The following LYST variants were observed in gnomAD, a reference collection of about 807,000 sequenced individuals.
LYST encodes lysosomal-trafficking regulator.
Under a neutral mutation model 413.6 loss-of-function variants are expected in LYST, and 192 were observed. The observed-to-expected ratio is 0.46, with a 90% CI of 0.41 to 0.52. LYST has a LOEUF of 0.52. Ranked by LOEUF, LYST falls within the 20% of genes least tolerant of loss-of-function variation. The pLI, the probability that LYST is intolerant of heterozygous loss-of-function variation, is 0.00. For synonymous variants in LYST, 1,525 were observed against 1,567.3 expected (o/e 0.97, Z 0.64); for missense variants, 3,815 against 4,499.9 (o/e 0.85, Z 4.35).
intron 23 of LYST, among the ~76,000 whole-genome samples, chr1:235,758,372 G>A (rs1318116406): frequency 6.6e-6 from 1 of 152,218 alleles, no homozygotes; most frequent in Non-Finnish European, 1.5e-5. Flanking sequence ...ACTCTGTGCA[G>A]TCTGGTGACA....
At chr1:235,878,491 G>T (rs1429584648) in intron 1 of LYST, among the ~76,000 whole-genome samples, 2 of 152,014 alleles carry the variant, frequency 1.3e-5, no homozygotes, top group Non-Finnish European at 2.9e-5. Context: ...AAATAATGAC[G>T]GCCGCCCTGC....
intron 34 of LYST, among the ~76,000 whole-genome samples, chr1:235,733,100 A>G (rs187325680): frequency 1.4e-4 from 22 of 152,316 alleles, no homozygotes; most frequent in African/African-American, 5.1e-4. Context: ...TTAGTACACC[A>G]AAGTCACATG....
intron 22 of LYST, 27 bp from the exon 23 acceptor site, chr1:235,759,626 A>C: frequency 6.4e-7 from 1 of 1,573,400 alleles, no homozygotes. Flanking sequence ...CAAAAATACT[A>C]CTTAAAAATC....
intron 3 of LYST, among the ~76,000 whole-genome samples, chr1:235,813,867 G>A (rs1272137963): frequency 1.3e-5 from 2 of 152,146 alleles, no homozygotes; most frequent in Admixed American, 1.3e-4. Flanking sequence ...TTGAGTTCTC[G>A]CCTTACACCA....
rs146513322 is a variant in LYST, at chr1:235,805,805, C to T, written c.3331G>A (p.Ala1111Thr). The change falls in exon 6 of 53, where the codon GCC becomes ACC. Residue 1111 changes from alanine (A) to threonine (T), a missense_variant. Coordinates refer to ENST00000389793, the MANE Select transcript of LYST (RefSeq NM_000081.4). ...GTTCTGGCACCATGAAGACAAATGG[C>T]CAGAAGGGCTTCCAAAAGTCGTATA... ...QSIRLLEALLAICLHGARTSQ... is the reference protein window; with the variant it reads ...QSIRLLEALLTICLHGARTSQ... 1.6e-5 allele frequency: 26 copies of T among 1,613,382 alleles called. No homozygotes were observed. The highest frequency in any genetic ancestry group is 2.2e-5 in the South Asian group (2 of 91,084).
chr1:235,787,170 T>G, intron 14 of LYST, 30 bp downstream of exon 14: 2 of 1,547,312 alleles, frequency 1.3e-6, no homozygotes, highest in Non-Finnish European at 1.8e-6. Context: ...TAACTGAGAT[T>G]GAGATGCATT....
intron 38 of LYST, among the ~76,000 whole-genome samples, chr1:235,724,531 T>C (rs1465266460): frequency 6.6e-6 from 1 of 152,204 alleles, no homozygotes. Context: ...TGAACCAATA[T>C]TGCTACAATT....
intron 6 of LYST, 98 bp downstream of exon 6, chr1:235,805,645 T>C: frequency 4.8e-6 from 2 of 416,070 alleles, no homozygotes; most frequent in Admixed American, 8.1e-5. Context: ...ATATTACATA[T>C]ATTATGTAAT....
intron 22 of LYST, among the ~76,000 whole-genome samples, chr1:235,760,077 G>A (rs1209479763): frequency 6.6e-6 from 1 of 152,114 alleles, no homozygotes; most frequent in African/African-American, 2.4e-5. Flanking sequence ...CTGAATTTAA[G>A]TGAATTAAGT....
At chr1:235,675,401 G>C (rs942084232) in intron 50 of LYST, among the ~76,000 whole-genome samples, 1 of 152,206 alleles carries the variant, frequency 6.6e-6, no homozygotes, top group African/African-American at 2.4e-5. Context: ...AGAGGATACA[G>C]CAACAGGAGC....
At chr1:235,831,019 G>A (rs1374080301) in intron 2 of LYST, among the ~76,000 whole-genome samples, 1 of 152,166 alleles carries the variant, frequency 6.6e-6, no homozygotes, top group Admixed American at 6.5e-5. Context: ...ACAGCAAACA[G>A]AATAGGGGAA....
At chr1:235,847,613 T>C (rs1462923837) in intron 1 of LYST, among the ~76,000 whole-genome samples, 1 of 152,126 alleles carries the variant, frequency 6.6e-6, no homozygotes, top group African/African-American at 2.4e-5. Flanking sequence ...AACCACAGAA[T>C]GGATAAGAAT....
intron 20 of LYST, 142 bp from the exon 21 acceptor site, chr1:235,766,419 C>G (rs536033750): frequency 4.9e-5 from 30 of 610,534 alleles, no homozygotes; most frequent in African/African-American, 4.3e-4. Flanking sequence ...ATTACCATAA[C>G]AACTCATTAA....
At chr1:235,830,558 T>C (rs1251297788) in intron 2 of LYST, 134 bp from the exon 3 acceptor site, 11 of 714,922 alleles carry the variant, frequency 1.5e-5, no homozygotes, top group East Asian at 2.7e-5. Flanking sequence ...CTTAACCCTA[T>C]AATATTTTCA....
chr1:235,883,609 G>C (rs867455413), exon 1 of LYST: 1 of 152,554 alleles, frequency 6.6e-6, no homozygotes, highest in African/African-American at 2.4e-5. Flanking sequence ...AAGCCAAAAG[G>C]TCATTGGGAT....
chr1:235,720,402 T>A (rs1417893096), intron 40 of LYST, among the ~76,000 whole-genome samples: 4 of 152,076 alleles, frequency 2.6e-5, no homozygotes, highest in Admixed American at 2.0e-4. Context: ...TTCTATTTTT[T>A]AAAGAGATGC....
chr1:235,683,771 T>G (rs954655068), intron 48 of LYST, among the ~76,000 whole-genome samples: 2 of 152,148 alleles, frequency 1.3e-5, no homozygotes, highest in Non-Finnish European at 2.9e-5. Context: ...TCAGGAAAGC[T>G]GAAGAACAGA....
intron 48 of LYST, among the ~76,000 whole-genome samples, chr1:235,681,733 C>T (rs1463699152): frequency 2.0e-5 from 3 of 152,218 alleles, no homozygotes; most frequent in African/African-American, 7.2e-5. Context: ...CAGTCATCAT[C>T]TCTTCACACT....
At chr1:235,704,815 A>C (rs901553862) in intron 44 of LYST, among the ~76,000 whole-genome samples, 18 of 152,210 alleles carry the variant, frequency 1.2e-4, no homozygotes, top group Non-Finnish European at 1.9e-4. Flanking sequence ...TTATCTAAGA[A>C]AGGCCAATTG....
Sources: allele counts gnomAD v4.1 joint callset (sites outside exome capture counted in the v4.1 genomes callset), GRCh38; gene constraint gnomAD v4.1.1; transcripts MANE v1.5; gene names NCBI Gene and HGNC (gene_info 2026-07-23, HGNC 2026-07-21).